Variants in BRAT1 observed in about 807,000 individuals in gnomAD.
BRAT1 encodes integrator complex assembly factor BRAT1.
BRAT1 carries 74 observed loss-of-function variants against 70.6 expected under a neutral mutation model. The observed-to-expected ratio is 1.05, with a 90% confidence interval of 0.87 to 1.27. The LOEUF (loss-of-function observed/expected upper bound fraction) is 1.27. Among genes scored for constraint, BRAT1 ranks in the 50% most tolerant of loss-of-function variants. The pLI is 0.00. For synonymous variants in BRAT1, 615 were observed against 517.1 expected (o/e 1.19, Z -2.57); for missense variants, 1,203 against 1,098.2 (o/e 1.10, Z -1.35).
At chr7:2,554,907 T>G (rs995029912) in intron 1 of BRAT1, among the ~76,000 whole-genome samples, 1 of 152,000 alleles carries the variant, frequency 6.6e-6, no homozygotes, top group Non-Finnish European at 1.5e-5. Context: ...GGTGGCTGCA[T>G]TTGACGTCCT....
rs966762013 is a variant in BRAT1, at chr7:2,554,318, C to G, written c.114G>C (p.Thr38=). ...CLEKLLDWFK[T]VTEGESSVVL... is the part of the protein sequence containing the mutation. ...CCACCTCCTTACCTCCTTCAGTGAC[C>G]GTTTTAAACCAGTCCAGGAGCTTCT... The change falls in exon 2 of 14, where the codon ACG becomes ACC. Residue 38 remains threonine, a synonymous_variant. Transcript: ENST00000340611. 9 of 1,613,568 alleles carry G rather than the reference C, an allele frequency of 5.6e-6. No homozygotes were observed. The Admixed American group carries it at 1.0e-4, about 18-fold the overall frequency.
intron 2 of BRAT1, among the ~76,000 whole-genome samples, chr7:2,547,961 G>A (rs1779736507): frequency 6.6e-6 from 1 of 152,114 alleles, no homozygotes; most frequent in Admixed American, 6.6e-5. Flanking sequence ...GCTCATGCCT[G>A]TAGTCCCAGC....
Position 2,539,835 on chromosome 7 carries a change from C to T in BRAT1, c.1449G>A (p.Lys483=). Residue 483 remains lysine (K), a synonymous_variant, in exon 11 of 14, where the codon AAG becomes AAA. Coordinates refer to ENST00000340611, the MANE Select transcript of BRAT1 (RefSeq NM_152743.4). ...GGCCGAGATCAGAGCAGCCGGGGGT[C>T]TTGGGTGAGCTCAGGAGCCACCTGA... ...ATLRWLLSSP[K]TPGCSDLGPL... 6.2e-7 allele frequency: 1 copy of T among 1,608,972 alleles called. No homozygotes were observed. Among genetic ancestry groups the T allele is most frequent in the South Asian group, 1.1e-5 (1 of 90,080 alleles).
At chr7:2,541,859 C>G (rs755384549) in intron 7 of BRAT1, 23 bp from the exon 8 acceptor site, 2 of 1,610,334 alleles carry the variant, frequency 1.2e-6, no homozygotes, top group Non-Finnish European at 1.7e-6. Context: ...CCAGGAAGAG[C>G]TCCCTTAGAG....
rs759222215 is a variant in BRAT1 at position 2,543,703 on chromosome 7, G to A, written c.690C>T (p.Ser230=). 8 of 1,578,260 alleles carry A rather than the reference G, an allele frequency of 5.1e-6. No homozygotes were observed. Among genetic ancestry groups the A allele is most frequent in the South Asian group, 1.1e-5 (1 of 87,506 alleles). ...VLTTTFGRCQ[S]PWTEALWVRL... ...GCACCCACAGGGCTTCCGTCCAGGG[G>A]CTCTGGCAGCGCCCGAAGGTCGTGG... The change falls in exon 5 of 14, where the codon AGC becomes AGT. Residue 230 remains serine (S), a synonymous_variant. Transcript: ENST00000340611. This position sits in a 1 kb window ranked among gnomAD's most constrained non-coding sequence, Gnocchi z 5.5.
chr7:2,545,142 G>C, intron 3 of BRAT1, 86 bp from the exon 4 acceptor site: 1 of 1,377,262 alleles, frequency 7.3e-7, no homozygotes. Context: ...GAGGAGGGCA[G>C]ATCACGAGGT....
rs1779490051 is a variant in BRAT1, at chr7:2,544,966, G to C, written c.373C>G (p.Gln125Glu). 6.4e-7 allele frequency: 1 copy of C among 1,564,440 alleles called. No individual in the cohort carries two copies. Among genetic ancestry groups the C allele is most frequent in the Non-Finnish European group, 8.7e-7 (1 of 1,154,946 alleles). Reference sequence around the variant, plus strand: ...TGCTGTGCCAGGGAGCGCAGGCCCTGGATCCAGCCGCTGCGCACGGTGGGG... The same window carrying C: ...TGCTGTGCCAGGGAGCGCAGGCCCTCGATCCAGCCGCTGCGCACGGTGGGG... ...AVPTVRSGWI[Q>E]GLRSLAQHPS... The change falls in exon 4 of 14, where the codon CAG becomes GAG. Residue 125 changes from glutamine to glutamate, a missense_variant. Gln to Glu is a conservative substitution (Grantham distance 29). Transcript: ENST00000340611.
At position 2,539,578 on chromosome 7, in the gene BRAT1, G is replaced by C. The variant is rs747583240; in HGVS notation, c.1563C>G (p.Leu521=). 5 of 1,583,190 alleles carry C rather than the reference G, an allele frequency of 3.2e-6. No homozygotes were observed. Among genetic ancestry groups the C allele is most frequent in the Non-Finnish European group, 4.3e-6 (5 of 1,164,194 alleles). The change falls in exon 12 of 14, where the codon CTC becomes CTG. Residue 521 remains leucine (L), a synonymous_variant. Transcript: ENST00000340611. ...HPCWEVRDSA[L]EFLTQLSRHW... is the part of the protein sequence containing the mutation. ...GCCTGCTCAGCTGGGTCAGGAACTCGAGGGCGGAGTCCCTCACCTCCCAGC... is the reference window on the plus strand; with the variant it reads ...GCCTGCTCAGCTGGGTCAGGAACTCCAGGGCGGAGTCCCTCACCTCCCAGC...
chr7:2,543,464 C>T lies in BRAT1; in HGVS notation c.803+126G>A. On this transcript the variant is annotated intron_variant, in intron 5 of 13. Transcript: ENST00000340611. This position sits in a 1 kb window ranked among gnomAD's most constrained non-coding sequence, Gnocchi z 5.5. ...TCCCCATGAGGGTTCCAGGGTCACC[C>T]CGGTGCCGCTTCACTGCAGGCCATG... The T allele has an allele frequency of 2.0e-6, 3 of 1,481,000 alleles. No individual in the cohort carries two copies. Among genetic ancestry groups the T allele is most frequent in the Non-Finnish European group, 2.7e-6 (3 of 1,119,204 alleles). The allele number at this position is 1,481,000 out of a possible 1,614,324, so 91.7% of individuals were successfully genotyped here.
intron 3 of BRAT1, among the ~76,000 whole-genome samples, chr7:2,545,594 ATT>A: frequency 6.7e-6 from 1 of 148,418 alleles, no homozygotes; most frequent in Non-Finnish European, 1.5e-5. Context: ...GGCTCAAGCT[ATT>A]TTCCTGTCTC....
intron 2 of BRAT1, among the ~76,000 whole-genome samples, chr7:2,552,417 C>T (rs1478216905): frequency 3.4e-5 from 5 of 147,968 alleles, no homozygotes; most frequent in Admixed American, 3.3e-4. Context: ...CGTGCCTGGC[C>T]TTAAATATAT....
intron 2 of BRAT1, among the ~76,000 whole-genome samples, chr7:2,552,858 C>A (rs1469098490): frequency 6.6e-6 from 1 of 151,764 alleles, no homozygotes; most frequent in Non-Finnish European, 1.5e-5. Flanking sequence ...CCTGCCCAGC[C>A]TCCCAAGTAA....
chr7:2,539,503 C>G lies in BRAT1; in HGVS notation c.1597+41G>C, dbSNP rs761031060. ...GTGCACCCTGGCTCAGTGAGCCCCC[C>G]ACAGGCGGGGAAGGCAGCCCCTCCA... On this transcript the variant is annotated intron_variant, in intron 12 of 13. Transcript: ENST00000340611. 1.0e-5 allele frequency: 16 copies of G among 1,524,176 alleles called. 1 individual carries two copies. The highest frequency in any genetic ancestry group is 8.0e-5 in the Admixed American group (4 of 49,792). The allele number at this position is 1,524,176 out of a possible 1,614,324, so 94.4% of individuals were successfully genotyped here. A position where few individuals can be genotyped will look rare whatever the true frequency, so the allele number is the denominator to read the frequency against.
intron 6 of BRAT1, chr7:2,542,966 G>A (rs540011045): frequency 1.1e-4 from 40 of 371,228 alleles, no homozygotes; most frequent in South Asian, 8.0e-4. Flanking sequence ...AGCAGCTCCC[G>A]CATCCTTCTC....
At chr7:2,541,625 G>C in intron 8 of BRAT1, 93 bp downstream of exon 8, 1 of 1,466,620 alleles carries the variant, frequency 6.8e-7, no homozygotes, top group Non-Finnish European at 9.1e-7. Flanking sequence ...CAAGGGTGCT[G>C]GGGCAGCAAG....
chr7:2,544,141 T>TC (rs1404226612), intron 4 of BRAT1, 179 bp from the exon 5 acceptor site: 13 of 389,328 alleles, frequency 3.3e-5, no homozygotes, highest in Non-Finnish European at 4.1e-5. Flanking sequence ...AAGCACCTCC[T>TC]CCCCCCGAGC....
In BRAT1 at chr7:2,554,370, T is replaced by A; in HGVS notation, c.62A>T (p.Gln21Leu). 6.2e-7 allele frequency: 1 copy of A among 1,614,088 alleles called. No individual in the cohort carries two copies. The highest frequency in any genetic ancestry group is 8.5e-7 in the Non-Finnish European group (1 of 1,179,956). ...ALCAVLVDPR[Q>L]PVADDTCLEK... ...CAAACAGGTGTCATCTGCCACCGGC[T>A]GCCTGGGATCTACCAGAACAGCACA... is the stretch of plus-strand genomic sequence containing the variant. Residue 21 changes from glutamine to leucine, a missense_variant, in exon 2 of 14, where the codon CAG becomes CTG. By Grantham distance (113) the Gln-to-Leu change is moderately radical (BLOSUM62 -2). Coordinates refer to ENST00000340611, the MANE Select transcript of BRAT1 (RefSeq NM_152743.4).
chr7:2,538,539 A>C lies in BRAT1; in HGVS notation c.1996T>G (p.Leu666Val), dbSNP rs747027466. 1.2e-5 allele frequency: 19 copies of C among 1,603,918 alleles called. 1 individual carries two copies. The South Asian group carries it at 1.9e-4, about 16-fold the overall frequency. Residue 666 changes from leucine (L) to valine (V), a missense_variant, in exon 14 of 14, where the codon TTG becomes GTG. Coordinates refer to ENST00000340611, the MANE Select transcript of BRAT1 (RefSeq NM_152743.4). ...GGGCAGTGGGTACGCGGCGGCCCCA[A>C]AGTCTGGCCCAGGAACACGAGGGCC... ...ELALVFLGQT[L>V]GPPRTHCPYA...
At position 2,543,018 on chromosome 7, in the gene BRAT1, T is replaced by C; in HGVS notation, c.923+186A>G. The stretch of plus-strand genomic sequence containing the variant: ...CAGAGCTTTGGTCTGAAACAATTAT[T>C]CTGTTGCTAAAGAACCTTCAGAAGC... On this transcript the variant is annotated intron_variant, in intron 6 of 13. Transcript: ENST00000340611. The surrounding 1 kb of genome is among the most constrained non-coding windows in gnomAD (Gnocchi z 5.5). 1.7e-6 allele frequency: 1 copy of C among 599,310 alleles called. No individual in the cohort carries two copies. Among genetic ancestry groups the C allele is most frequent in the East Asian group, 3.5e-5 (1 of 28,854 alleles). The allele number at this position is 599,310 out of a possible 1,614,324, so 37.1% of individuals were successfully genotyped here. A position where few individuals can be genotyped will look rare whatever the true frequency, so the allele number is the denominator to read the frequency against.
Sources: gnomAD v4.1 joint callset for allele counts (sites outside exome capture counted in the v4.1 genomes callset) on GRCh38, gnomAD v4.1.1 for gene constraint, Gnocchi (gnomAD v3.1) non-coding constraint, MANE v1.5 for transcripts, NCBI Gene and HGNC (gene_info 2026-07-23, HGNC 2026-07-21) for gene names.